The following ADAMTS16 variants were observed in gnomAD, a reference collection of about 807,000 sequenced individuals.
ADAMTS16 encodes the protein ADAM metallopeptidase with thrombospondin type 1 motif 16, also known as A disintegrin and metalloproteinase with thrombospondin motifs 16.
ADAMTS16 carries 94 observed loss-of-function variants against 145.8 expected under a neutral mutation model. That is an observed-to-expected ratio of 0.64 (90% confidence interval 0.55 to 0.77). The LOEUF is 0.77. Among genes scored for constraint, ADAMTS16 ranks in the 30% least tolerant of loss-of-function variants. The probability of loss-of-function intolerance (pLI) is 0.00; values close to 1 mark genes in which losing one functional copy is unlikely to be tolerated. For synonymous variants in ADAMTS16, 659 were observed against 604.3 expected, an observed-to-expected ratio of 1.09 and a Z score of -1.33; for missense variants, 1,585 against 1,591.5, an observed-to-expected ratio of 1.00 and a Z score of 0.07.
intron 9 of ADAMTS16, among the ~76,000 whole-genome samples, chr5:5,206,902 G>T (rs1231928893): frequency 6.6e-6 from 1 of 152,086 alleles, no homozygotes; most frequent in African/African-American, 2.4e-5. Flanking sequence ...TATTTATGTG[G>T]GTGGATTATT....
intron 18 of ADAMTS16, among the ~76,000 whole-genome samples, chr5:5,264,566 C>G (rs1738165634): frequency 6.6e-6 from 1 of 152,140 alleles, no homozygotes; most frequent in Non-Finnish European, 1.5e-5. Flanking sequence ...TACCCCTGGT[C>G]TCTCTCTCAG....
In ADAMTS16 at chr5:5,186,177, G is replaced by A. The variant is rs760157335; in HGVS notation, c.889G>A (p.Val297Met). Residue 297 changes from valine to methionine, a missense_variant, in exon 5 of 23, where the codon GTG becomes ATG. Val to Met is a conservative substitution (Grantham distance 21). Around this residue, in one of 3 missense-constraint regions of ADAMTS16, gnomAD observed 453 missense variants for 412.1 expected, o/e 1.10. Transcript: ENST00000274181. ...NEELNVETLV[V>M]VDKKMMQNHG... ...AGAACTGAACGTGGAGACCTTGGTG[G>A]TGGTCGACAAAAAGATGATGCAAAA... The A allele has an allele frequency of 1.9e-6, 3 of 1,614,052 alleles. No homozygotes were observed. The highest frequency in any genetic ancestry group is 8.5e-7 in the Non-Finnish European group (1 of 1,180,024).
At chr5:5,146,940 C>T (rs1353288632) in intron 3 of ADAMTS16, among the ~76,000 whole-genome samples, 1 of 152,208 alleles carries the variant, frequency 6.6e-6, no homozygotes, top group African/African-American at 2.4e-5. Flanking sequence ...CACATTAGGG[C>T]ATTCATCCAT....
intron 10 of ADAMTS16, among the ~76,000 whole-genome samples, chr5:5,218,680 C>A (rs766094529): frequency 1.3e-5 from 2 of 152,164 alleles, no homozygotes; most frequent in African/African-American, 2.4e-5. Flanking sequence ...AAGATGAGTG[C>A]GAGGTTTTAT....
intron 22 of ADAMTS16, 30 bp from the exon 23 acceptor site, chr5:5,318,993 G>C (rs769066215): frequency 6.6e-7 from 1 of 1,524,138 alleles, no homozygotes; most frequent in South Asian, 1.2e-5. Flanking sequence ...ACTCGGGATC[G>C]CTGAGTAATG....
At chr5:5,244,433 A>G (rs532379233) in intron 17 of ADAMTS16, among the ~76,000 whole-genome samples, 1 of 152,332 alleles carries the variant, frequency 6.6e-6, no homozygotes, top group Non-Finnish European at 1.5e-5. Context: ...GGGTAAGGGT[A>G]GAAAGACCAC....
chr5:5,250,736 T>TGTGCGC (rs764397980), intron 17 of ADAMTS16, among the ~76,000 whole-genome samples: 19 of 141,924 alleles, frequency 1.3e-4, no homozygotes, highest in East Asian at 9.9e-4. Flanking sequence ...TGTGTGTGTG[T>TGTGCGC]GCGCGCACTC....
intron 21 of ADAMTS16, among the ~76,000 whole-genome samples, chr5:5,309,859 T>C (rs889281573): frequency 2.0e-5 from 3 of 147,968 alleles, no homozygotes; most frequent in African/African-American, 5.0e-5. Flanking sequence ...TGTGTGTGCA[T>C]GTGATCAGAA....
At chr5:5,242,643 G>T (rs1269548853) in intron 17 of ADAMTS16, among the ~76,000 whole-genome samples, 1 of 152,100 alleles carries the variant, frequency 6.6e-6, no homozygotes, top group Admixed American at 6.5e-5. Context: ...CAGATAGTCA[G>T]ATTTGTCCAG....
intron 18 of ADAMTS16, among the ~76,000 whole-genome samples, chr5:5,277,544 G>A (rs146546046): frequency 6.6e-6 from 1 of 152,204 alleles, no homozygotes; most frequent in Non-Finnish European, 1.5e-5. Context: ...TGCAAGGCAA[G>A]AATCCATGCA....
At chr5:5,166,887 A>T (rs270177) in intron 3 of ADAMTS16, among the ~76,000 whole-genome samples, 1 of 152,322 alleles carries the variant, frequency 6.6e-6, no homozygotes, top group East Asian at 1.9e-4. Context: ...AGGTCCTTAC[A>T]GCATCTCTTC....
chr5:5,235,834 A>G (rs1737091406), intron 13 of ADAMTS16, among the ~76,000 whole-genome samples: 1 of 152,102 alleles, frequency 6.6e-6, no homozygotes, highest in Non-Finnish European at 1.5e-5. Context: ...CGAAAAAATG[A>G]CAGAAGCCCT....
intron 18 of ADAMTS16, among the ~76,000 whole-genome samples, chr5:5,289,440 T>C (rs1415148729): frequency 6.6e-6 from 1 of 152,232 alleles, no homozygotes; most frequent in African/African-American, 2.4e-5. Context: ...TTTGTTGTTA[T>C]TGCTGTTGTT....
intron 17 of ADAMTS16, among the ~76,000 whole-genome samples, 194 bp downstream of exon 17, chr5:5,242,385 G>A (rs1044952963): frequency 3.3e-5 from 5 of 152,208 alleles, no homozygotes; most frequent in Non-Finnish European, 7.4e-5. Flanking sequence ...CAGTCTATCT[G>A]CTTCAGTGTG....
intron 18 of ADAMTS16, among the ~76,000 whole-genome samples, chr5:5,274,130 C>T (rs1346390885): frequency 6.6e-6 from 1 of 152,164 alleles, no homozygotes; most frequent in Non-Finnish European, 1.5e-5. Context: ...GGCCCACACT[C>T]GTCCACCCTT....
At chr5:5,174,605 C>G (rs1317430446) in intron 3 of ADAMTS16, among the ~76,000 whole-genome samples, 1 of 152,108 alleles carries the variant, frequency 6.6e-6, no homozygotes, top group African/African-American at 2.4e-5. Context: ...AAACAATTTT[C>G]TAGATCTTGT....
intron 3 of ADAMTS16, among the ~76,000 whole-genome samples, chr5:5,172,230 T>A (rs1735060479): frequency 6.6e-6 from 1 of 152,074 alleles, no homozygotes; most frequent in African/African-American, 2.4e-5. Context: ...TATTGTTTTC[T>A]TTGTTTTACT....
chr5:5,262,754 G>A lies in ADAMTS16; in HGVS notation c.2760G>A (p.Val920=), dbSNP rs61746690. ...AGACACGACCTGTCACGGGGCTGGT[G>A]CCTTGCAAAGTATCTGCCTGTCCTC... ...NPKTRPVTGL[V]PCKVSACPPS... The change falls in exon 18 of 23, where the codon GTG becomes GTA. Residue 920 remains valine (V), a synonymous_variant. Transcript: ENST00000274181. 1.6e-3 allele frequency: 2,553 copies of A among 1,614,220 alleles called. 46 individuals carry two copies. The African/African-American group carries it at 0.031, about 20-fold the overall frequency.
At position 5,235,122 on chromosome 5, in the gene ADAMTS16, C is replaced by A; in HGVS notation, c.1959C>A (p.Ala653=). 6.2e-7 allele frequency: 1 copy of A among 1,600,670 alleles called. No individual in the cohort carries two copies. Among genetic ancestry groups the A allele is most frequent in the Non-Finnish European group, 8.6e-7 (1 of 1,169,196 alleles). The change falls in exon 13 of 23, where the codon GCC becomes GCA. Residue 653 remains alanine (A), a synonymous_variant. Transcript: ENST00000274181. ...TTGACTTCCGTGCTGCTCAGTGTGC[C>A]GAGCACAACAGCAGACGATTCAGAG... The part of the protein sequence containing the change: ...DSVDFRAAQC[A]EHNSRRFRGR...
Sources: gnomAD v4.1 joint callset for allele counts (sites outside exome capture counted in the v4.1 genomes callset) on GRCh38, gnomAD v4.1.1 for gene constraint, gnomAD v4.1.1 regional missense constraint, MANE v1.5 for transcripts, NCBI Gene and HGNC (gene_info 2026-07-23, HGNC 2026-07-21) for gene names.